The following ASTN1 variants were observed in gnomAD, a reference collection of about 807,000 sequenced individuals.
The protein encoded by ASTN1 is astrotactin 1.
A neutral mutation model predicts 140.7 loss-of-function variants in ASTN1; 41 were observed. That is an observed-to-expected ratio of 0.29 (90% CI 0.23 to 0.38). The LOEUF is 0.38. Among genes scored for constraint, ASTN1 ranks in the 10% least tolerant of loss-of-function variants. The pLI is 1.00. For missense variants in ASTN1, 1,479 were observed against 1,678.8 expected (o/e 0.88, Z 2.08); for synonymous variants, 640 against 652.2 (o/e 0.98, Z 0.29).
At chr1:176,879,766 C>T (rs1668712031) in intron 20 of ASTN1, among the ~76,000 whole-genome samples, 1 of 152,190 alleles carries the variant, frequency 6.6e-6, no homozygotes, top group African/African-American at 2.4e-5. Context: ...TTATTTTTAA[C>T]ATGAAGCAGG....
intron 8 of ASTN1, among the ~76,000 whole-genome samples, chr1:176,985,765 A>G (rs1472323864): frequency 6.6e-6 from 1 of 151,456 alleles, no homozygotes; most frequent in African/African-American, 2.4e-5. Flanking sequence ...CCTGTTCTCC[A>G]TTAAGTAGGA....
intron 16 of ASTN1, among the ~76,000 whole-genome samples, chr1:176,902,255 G>A (rs1354460421): frequency 6.6e-6 from 1 of 152,176 alleles, no homozygotes; most frequent in Non-Finnish European, 1.5e-5. Context: ...TAAAAATGCA[G>A]TTTTCCAATT....
chr1:177,048,681 A>C (rs1374103807), intron 2 of ASTN1, among the ~76,000 whole-genome samples: 14 of 152,178 alleles, frequency 9.2e-5, no homozygotes, highest in East Asian at 5.8e-4. Flanking sequence ...GGCTCTTCCC[A>C]TGGCTTGCTC....
intron 8 of ASTN1, among the ~76,000 whole-genome samples, chr1:176,975,595 G>T (rs1265480595): frequency 6.6e-6 from 1 of 152,122 alleles, no homozygotes; most frequent in African/African-American, 2.4e-5. Context: ...CTGTCCCCTT[G>T]CCTGTGTTTT....
intron 2 of ASTN1, among the ~76,000 whole-genome samples, chr1:177,043,386 T>C (rs1330521903): frequency 6.6e-6 from 1 of 152,188 alleles, no homozygotes; most frequent in Non-Finnish European, 1.5e-5. Context: ...TGCTAGCTGA[T>C]AGATTTGGAG....
chr1:176,922,325 C>T (rs1450623930), intron 16 of ASTN1, among the ~76,000 whole-genome samples: 2 of 136,848 alleles, frequency 1.5e-5, no homozygotes, highest in African/African-American at 3.7e-5. Flanking sequence ...GACTTTGAAT[C>T]GTAGGTCACA....
chr1:177,141,357 C>T (rs1682462709), intron 1 of ASTN1, among the ~76,000 whole-genome samples: 1 of 152,120 alleles, frequency 6.6e-6, no homozygotes, highest in Admixed American at 6.6e-5. Flanking sequence ...TTCTCTTCTC[C>T]AGGATTCATG....
chr1:176,892,839 GA>G (rs1175530567), intron 17 of ASTN1, among the ~76,000 whole-genome samples: 2 of 152,168 alleles, frequency 1.3e-5, no homozygotes, highest in Admixed American at 6.5e-5. Context: ...AAATTAGAAA[GA>G]AAAACAGAAC....
intron 7 of ASTN1, among the ~76,000 whole-genome samples, chr1:177,020,353 G>T (rs1034786873): frequency 1.3e-5 from 2 of 152,110 alleles, no homozygotes; most frequent in Non-Finnish European, 2.9e-5. Context: ...TTGCCTTCTG[G>T]AGGCACCCGG....
At chr1:176,973,867 G>T (rs1673247662) in intron 8 of ASTN1, among the ~76,000 whole-genome samples, 1 of 152,210 alleles carries the variant, frequency 6.6e-6, no homozygotes, top group Non-Finnish European at 1.5e-5. Flanking sequence ...ATAGGCAATG[G>T]GATATAAGAA....
At chr1:176,894,539 G>A (rs1460192065) in intron 17 of ASTN1, 23 bp downstream of exon 17, 2 of 1,610,288 alleles carry the variant, frequency 1.2e-6, no homozygotes, top group South Asian at 1.1e-5. Flanking sequence ...GCCTCCCAGA[G>A]CCAAGAGTCC....
intron 22 of ASTN1, among the ~76,000 whole-genome samples, chr1:176,866,330 A>T (rs1205306723): frequency 6.6e-6 from 1 of 152,124 alleles, no homozygotes; most frequent in African/African-American, 2.4e-5. Flanking sequence ...GGTCAGAAGA[A>T]ATCAAACACT....
intron 8 of ASTN1, among the ~76,000 whole-genome samples, chr1:176,977,473 C>A (rs1673414382): frequency 6.6e-6 from 1 of 152,184 alleles, no homozygotes; most frequent in Non-Finnish European, 1.5e-5. Context: ...GAGACAGGTG[C>A]TATGGAGAGC....
At chr1:177,124,461 C>T (rs1237407990) in intron 1 of ASTN1, among the ~76,000 whole-genome samples, 1 of 152,110 alleles carries the variant, frequency 6.6e-6, no homozygotes, top group Non-Finnish European at 1.5e-5. Flanking sequence ...TAAAGAAGGC[C>T]TATATGAGAG....
chr1:177,068,536 G>T (rs1395093855), intron 1 of ASTN1, among the ~76,000 whole-genome samples: 1 of 152,196 alleles, frequency 6.6e-6, no homozygotes, highest in Non-Finnish European at 1.5e-5. Context: ...GCAGGTTAGA[G>T]AAAGCACTGG....
intron 1 of ASTN1, among the ~76,000 whole-genome samples, chr1:177,161,693 A>T (rs1432862407): frequency 6.6e-6 from 1 of 152,196 alleles, no homozygotes; most frequent in East Asian, 1.9e-4. Flanking sequence ...GCCTCAGTGA[A>T]GTGACAGGAC....
rs35514159 is a variant in ASTN1 at position 176,982,663 on chromosome 1, G to T, written c.1524-17426C>A. ...TCACTGGGCACCAGAATCACCTGGA[G>T]AACTTTTGACCTTCAGAAATTTCTG... On this transcript the variant is annotated intron_variant, in intron 8 of 22. Transcript: ENST00000361833. Among the ~76,000 whole-genome samples, 23 of 152,284 alleles carry T rather than the reference G, an allele frequency of 1.5e-4. No individual in the cohort carries two copies. In the East Asian group the frequency reaches 4.2e-3, roughly 28 times the overall value.
At chr1:176,996,310 C>CAGAG (rs139189448) in intron 8 of ASTN1, among the ~76,000 whole-genome samples, 6,375 of 125,282 alleles carry the variant, frequency 0.051, 177 homozygotes, top group Non-Finnish European at 0.083. Flanking sequence ...CACACACACA[C>CAGAG]AGAGAGAGAG....
At chr1:176,951,755 A>G (rs2103120116) in intron 11 of ASTN1, among the ~76,000 whole-genome samples, 1 of 152,326 alleles carries the variant, frequency 6.6e-6, no homozygotes, top group South Asian at 2.1e-4. Flanking sequence ...ATACTCTCTT[A>G]GGCAACTTGC....
Sources: allele counts gnomAD v4.1 joint callset (sites outside exome capture counted in the v4.1 genomes callset), GRCh38; gene constraint gnomAD v4.1.1; transcripts MANE v1.5; gene names NCBI Gene and HGNC (gene_info 2026-07-23, HGNC 2026-07-21).